SHC4: variants seen among roughly 807,000 people sequenced by gnomAD.
The protein encoded by SHC4 is SHC-transforming protein 4.
SHC4 carries 41 observed loss-of-function variants against 69.4 expected under a neutral mutation model. The observed-to-expected ratio is 0.59, with a 90% CI of 0.46 to 0.77. SHC4 has a LOEUF of 0.77. SHC4 is among the 30% of genes least tolerant of loss of function. The pLI is 0.00. For missense variants in SHC4, 777 were observed against 783.8 expected (o/e 0.99, Z 0.10); for synonymous variants, 318 against 299.3 (o/e 1.06, Z -0.64).
At chr15:48,878,571 A>G in intron 4 of SHC4, 4 of 1,614,074 alleles carry the variant, frequency 2.5e-6, no homozygotes, top group Middle Eastern at 1.6e-4. Flanking sequence ...GAAGAAGCCG[A>G]CAAGATGTTT....
chr15:48,955,266 TG>T (rs1206659982), intron 1 of SHC4, among the ~76,000 whole-genome samples: 1 of 152,006 alleles, frequency 6.6e-6, no homozygotes, highest in Non-Finnish European at 1.5e-5. Flanking sequence ...ATACCACGGG[TG>T]GGTGTGCAAA....
intron 2 of SHC4, among the ~76,000 whole-genome samples, chr15:48,908,467 T>C (rs1014927476): frequency 2.6e-5 from 4 of 152,224 alleles, no homozygotes; most frequent in Non-Finnish European, 4.4e-5. Context: ...GTCAGATGTA[T>C]AGATTGTGAA....
At chr15:48,925,400 G>A (rs1039926262) in intron 1 of SHC4, among the ~76,000 whole-genome samples, 15 of 152,142 alleles carry the variant, frequency 9.9e-5, no homozygotes, top group African/African-American at 3.1e-4. Context: ...TTAGAACAAC[G>A]CCTGGTACAT....
At chr15:48,852,712 G>A (rs188985896) in intron 8 of SHC4, among the ~76,000 whole-genome samples, 10 of 152,068 alleles carry the variant, frequency 6.6e-5, no homozygotes, top group Admixed American at 5.2e-4. Context: ...GACCAGCCTC[G>A]CCAACATGGG....
intron 2 of SHC4, among the ~76,000 whole-genome samples, chr15:48,906,845 C>A (rs1156319748): frequency 6.6e-6 from 1 of 152,110 alleles, no homozygotes; most frequent in African/African-American, 2.4e-5. Context: ...ATGCCTAGGG[C>A]AAGCAGATGA....
chr15:48,890,653 C>T, intron 3 of SHC4, 95 bp downstream of exon 3: 1 of 1,403,270 alleles, frequency 7.1e-7, no homozygotes, highest in East Asian at 2.3e-5. Flanking sequence ...CCAGGCTGGA[C>T]CTTGGTCATA....
intron 2 of SHC4, among the ~76,000 whole-genome samples, chr15:48,923,379 C>T (rs1900785245): frequency 6.6e-6 from 1 of 151,974 alleles, no homozygotes; most frequent in East Asian, 1.9e-4. Context: ...AGTGAAACCC[C>T]ATCTCTACTA....
intron 11 of SHC4, among the ~76,000 whole-genome samples, chr15:48,830,794 A>G (rs1201351369): frequency 6.6e-6 from 1 of 152,214 alleles, no homozygotes; most frequent in Non-Finnish European, 1.5e-5. Flanking sequence ...AAACAAAGCA[A>G]GCAAACCGCC....
intron 4 of SHC4, chr15:48,879,106 A>G (rs1899889929): frequency 5.2e-6 from 1 of 192,628 alleles, no homozygotes; most frequent in South Asian, 1.3e-4. Context: ...CAAACTGCCA[A>G]TACAAAAGCC....
At chr15:48,911,342 T>C (rs1900504775) in intron 2 of SHC4, among the ~76,000 whole-genome samples, 1 of 152,194 alleles carries the variant, frequency 6.6e-6, no homozygotes, top group Admixed American at 6.5e-5. Flanking sequence ...CTTTTACTGA[T>C]GTTGCTTTAA....
intron 1 of SHC4, among the ~76,000 whole-genome samples, chr15:48,953,910 G>A (rs1004443150): frequency 6.6e-6 from 1 of 152,182 alleles, no homozygotes; most frequent in Non-Finnish European, 1.5e-5. Flanking sequence ...TGGGTGGAAA[G>A]TGGTGTGAAC....
intron 11 of SHC4, among the ~76,000 whole-genome samples, chr15:48,828,274 T>C (rs1214848791): frequency 6.6e-6 from 1 of 152,198 alleles, no homozygotes; most frequent in Non-Finnish European, 1.5e-5. Context: ...TGAAACTTTA[T>C]ACCCATCAAA....
chr15:48,848,015 A>C (rs923408620), intron 9 of SHC4, among the ~76,000 whole-genome samples: 3 of 150,574 alleles, frequency 2.0e-5, no homozygotes, highest in South Asian at 2.1e-4. Context: ...AAAAAAAAAA[A>C]AACAAAAAAA....
At chr15:48,842,866 G>A (rs1156315515) in intron 10 of SHC4, among the ~76,000 whole-genome samples, 1 of 152,144 alleles carries the variant, frequency 6.6e-6, no homozygotes. Context: ...AGGAGGCAGA[G>A]GTTGCAGTGA....
Position 48,945,041 on chromosome 15 carries a change from A to G in SHC4, c.585+17390T>C, listed in dbSNP as rs549177019. ...TGTTTTTCTCTTAGGAGAGCAACCC[A>G]GTCTTTCATTCAGAGCCCATTTACC... On this transcript the variant is annotated intron_variant, in intron 1 of 11. Transcript: ENST00000332408. Among the ~76,000 whole-genome samples, 6 of 152,342 alleles carry G rather than the reference A, an allele frequency of 3.9e-5. No homozygotes were observed. The South Asian group carries it at 1.0e-3, about 26-fold the overall frequency.
chr15:48,913,402 C>A (rs1193427194), intron 2 of SHC4, among the ~76,000 whole-genome samples: 1 of 152,062 alleles, frequency 6.6e-6, no homozygotes, highest in Non-Finnish European at 1.5e-5. Context: ...CAGGCCTCAT[C>A]CAGCTCCCAT....
intron 11 of SHC4, among the ~76,000 whole-genome samples, chr15:48,828,113 GTGTATATA>G (rs756695277): frequency 2.2e-4 from 22 of 100,654 alleles, no homozygotes; most frequent in South Asian, 1.8e-3. Context: ...GTGTGTGTGT[GTGTATATA>G]TATATATATA....
intron 11 of SHC4, among the ~76,000 whole-genome samples, chr15:48,829,915 T>C (rs1898765343): frequency 6.6e-6 from 1 of 152,082 alleles, no homozygotes; most frequent in South Asian, 2.1e-4. Flanking sequence ...CGAGACTCCG[T>C]CTCAAAAAAA....
chr15:48,841,252 T>C (rs1392992923), intron 10 of SHC4, among the ~76,000 whole-genome samples: 1 of 152,236 alleles, frequency 6.6e-6, no homozygotes, highest in East Asian at 1.9e-4. Context: ...AATATACTCT[T>C]ATAAAATCTA....
Sources: gnomAD v4.1 joint callset for allele counts (sites outside exome capture counted in the v4.1 genomes callset) on GRCh38, gnomAD v4.1.1 for gene constraint, MANE v1.5 for transcripts, NCBI Gene and HGNC (gene_info 2026-07-23, HGNC 2026-07-21) for gene names.